The following ZKSCAN8 variants were observed in gnomAD, a reference collection of about 807,000 sequenced individuals.
ZKSCAN8 encodes zinc finger protein with KRAB and SCAN domains 8.
In ZKSCAN8, 27 loss-of-function variants were observed where a neutral mutation model predicts 57.2. The ratio of observed to expected loss-of-function variants is 0.47; its 90% CI spans 0.35 to 0.65. ZKSCAN8 has a LOEUF of 0.65. Ranked by LOEUF, ZKSCAN8 falls within the 30% of genes least tolerant of loss-of-function variation. The pLI is 0.01. For missense variants in ZKSCAN8, 597 were observed against 696.3 expected (o/e 0.86, Z 1.60); for synonymous variants, 214 against 248.7 (o/e 0.86, Z 1.31).
Position 28,148,399 on chromosome 6 carries a change from C to G in ZKSCAN8, c.-9C>G, listed in dbSNP as rs755270774. ...GTGGAAACGAACTTCCTGAGCTTTT[C>G]AGGCTCTAATGGCTGAAGAATCAAG... On this transcript the variant is annotated 5_prime_UTR_variant, in exon 2 of 6. Coordinates refer to ENST00000330236, the MANE Select transcript of ZKSCAN8 (RefSeq NM_006298.4). The G allele has an allele frequency of 6.2e-7, 1 of 1,601,912 alleles. No homozygotes were observed. The highest frequency in any genetic ancestry group is 1.1e-5 in the South Asian group (1 of 90,464).
At chr6:28,142,480 T>G (rs1043603402) in intron 1 of ZKSCAN8, among the ~76,000 whole-genome samples, 6 of 152,188 alleles carry the variant, frequency 3.9e-5, no homozygotes, top group African/African-American at 1.4e-4. Flanking sequence ...TCTTCTTTCT[T>G]TAGTGTATTC....
Position 28,155,137 on chromosome 6 carries a change from A to C in ZKSCAN8, c.*1120A>C, listed in dbSNP as rs1765741973. ...TATTCTCCATCTGTTTCTTGCCATT[A>C]GTTTATATGACTTTAATATCCACAG... On this transcript the variant is annotated 3_prime_UTR_variant, in exon 6 of 6. Coordinates refer to ENST00000330236, the MANE Select transcript of ZKSCAN8 (RefSeq NM_006298.4). 1 of 152,330 alleles carries C rather than the reference A, an allele frequency of 6.6e-6. No homozygotes were observed. Among genetic ancestry groups the C allele is most frequent in the Non-Finnish European group, 1.5e-5 (1 of 68,012 alleles). The allele number at this position is 152,330 out of a possible 1,614,324, so 9.4% of individuals were successfully genotyped here. A position where few individuals can be genotyped will look rare whatever the true frequency, so the allele number is the denominator to read the frequency against.
At position 28,153,098 on chromosome 6, in the gene ZKSCAN8, A is replaced by G; in HGVS notation, c.818A>G (p.Gln273Arg). ...GAGAACAGGGAATTAGCTTCAAAAC[A>G]GGTAATATCTACTGGAATCCAGCCA... is the stretch of plus-strand genomic sequence containing the variant. ...RSENRELASKQVISTGIQPHG... is the reference protein window; with the variant it reads ...RSENRELASKRVISTGIQPHG... Residue 273 changes from glutamine (Q) to arginine (R), a missense_variant, in exon 6 of 6, where the codon CAG becomes CGG. By Grantham distance (43) the Gln-to-Arg change is conservative. Transcript: ENST00000330236. 1 of 1,614,220 alleles carries G rather than the reference A, an allele frequency of 6.2e-7. No individual in the cohort carries two copies. Among genetic ancestry groups the G allele is most frequent in the East Asian group, 2.2e-5 (1 of 44,886 alleles).
intron 5 of ZKSCAN8, among the ~76,000 whole-genome samples, chr6:28,152,730 A>G (rs930746185): frequency 5.3e-5 from 8 of 152,032 alleles, no homozygotes; most frequent in Non-Finnish European, 1.0e-4. Flanking sequence ...ATGACTGGGC[A>G]TTTTCCCATT....
At position 28,159,052 on chromosome 6, in the gene ZKSCAN8, C is replaced by G. The variant is rs772707221; in HGVS notation, c.*5035C>G. Reference sequence around the variant, plus strand: ...ACTTCCTACAGCCTTCTACTGATGTCTTACAAGCTCTTGCCTCTGTGCCTT... The same window carrying G: ...ACTTCCTACAGCCTTCTACTGATGTGTTACAAGCTCTTGCCTCTGTGCCTT... On this transcript the variant is annotated 3_prime_UTR_variant, in exon 6 of 6. Coordinates refer to ENST00000330236, the MANE Select transcript of ZKSCAN8 (RefSeq NM_006298.4). 6.6e-6 allele frequency: 1 copy of G among 152,228 alleles called. No individual in the cohort carries two copies. Among genetic ancestry groups the G allele is most frequent in the African/African-American group, 2.4e-5 (1 of 41,436 alleles). 9.4% of individuals were successfully genotyped at this position (152,228 alleles called of 1,614,324 possible).
At chr6:28,149,979 T>A (rs9348794) in intron 3 of ZKSCAN8, among the ~76,000 whole-genome samples, 34,876 of 152,064 alleles carry the variant, frequency 0.23, 4,133 homozygotes, top group African/African-American at 0.28. Context: ...ATGCTGGTAT[T>A]GTCATGCCAC....
intron 1 of ZKSCAN8, among the ~76,000 whole-genome samples, 153 bp from the exon 2 acceptor site, chr6:28,148,163 A>G (rs763025748): frequency 5.6e-4 from 85 of 152,220 alleles, no homozygotes; most frequent in Admixed American, 1.8e-3. Flanking sequence ...CAGAAAGTTA[A>G]GGAAGTAAGA....
chr6:28,141,798 T>A (rs2113568398), upstream of ZKSCAN8: 1 of 152,540 alleles, frequency 6.6e-6, no homozygotes, highest in South Asian at 2.1e-4. Flanking sequence ...GTACCCTCAG[T>A]CGGCCGACCA....
rs952842717 is a variant in ZKSCAN8, at chr6:28,155,173, A to C, written c.*1156A>C. ...CTTTAATATCCACAGTGGTAATCTA[A>C]TACCTTACCTCACAGGTTTTCATTC... On this transcript the variant is annotated 3_prime_UTR_variant, in exon 6 of 6. Transcript: ENST00000330236. 1 of 152,206 alleles carries C rather than the reference A, an allele frequency of 6.6e-6. No homozygotes were observed. The highest frequency in any genetic ancestry group is 1.5e-5 in the Non-Finnish European group (1 of 68,002). 9.4% of individuals were successfully genotyped at this position (152,206 alleles called of 1,614,324 possible). A position where few individuals can be genotyped will look rare whatever the true frequency, so the allele number is the denominator to read the frequency against.
At chr6:28,150,075 A>G (rs375945291) in intron 3 of ZKSCAN8, among the ~76,000 whole-genome samples, 2 of 152,174 alleles carry the variant, frequency 1.3e-5, no homozygotes, top group East Asian at 1.9e-4. Flanking sequence ...ATTTATCACA[A>G]TTAAGAAATG....
Position 28,148,456 on chromosome 6 carries a change from A to T in ZKSCAN8, c.49A>T (p.Thr17Ser). The change falls in exon 2 of 6, where the codon ACT becomes TCT. Residue 17 changes from threonine (T) to serine (S), a missense_variant. Physicochemically the swap from Thr to Ser is moderately conservative, Grantham distance 58. Coordinates refer to ENST00000330236, the MANE Select transcript of ZKSCAN8 (RefSeq NM_006298.4). ...KPSAPSPPDQ[T>S]PEEDLVIVKV... The stretch of plus-strand genomic sequence containing the variant: ...TTCAGCCCCATCCCCACCAGACCAG[A>T]CTCCTGAAGAGGATCTTGTAATCGT... 1 of 1,613,948 alleles carries T rather than the reference A, an allele frequency of 6.2e-7. No individual in the cohort carries two copies. Among genetic ancestry groups the T allele is most frequent in the Non-Finnish European group, 8.5e-7 (1 of 1,179,974 alleles).
chr6:28,152,788 A>G (rs1409292375), intron 5 of ZKSCAN8, among the ~76,000 whole-genome samples: 1 of 151,900 alleles, frequency 6.6e-6, no homozygotes, highest in African/African-American at 2.4e-5. Flanking sequence ...TCCTCTCCCC[A>G]ACTTTCACCT....
chr6:28,153,935 G>T lies in ZKSCAN8; in HGVS notation c.1655G>T (p.Gly552Val). ...AAGCCCTACCAATGTAATGAGTGTG[G>T]GAAAGCCTTTATTCAGAGGTCAAGT... ...GEKPYQCNEC[G>V]KAFIQRSSLI... Residue 552 changes from glycine (G) to valine (V), a missense_variant, in exon 6 of 6, where the codon GGG becomes GTG. Gly to Val is a moderately radical substitution (Grantham distance 109). Transcript: ENST00000330236. 1 of 1,614,128 alleles carries T rather than the reference G, an allele frequency of 6.2e-7. No individual in the cohort carries two copies. Among genetic ancestry groups the T allele is most frequent in the Non-Finnish European group, 8.5e-7 (1 of 1,179,994 alleles).
chr6:28,152,069 G>C lies in ZKSCAN8; in HGVS notation c.651+133G>C, dbSNP rs113568369. 7 of 1,362,400 alleles carry C rather than the reference G, an allele frequency of 5.1e-6. No individual in the cohort carries two copies. The African/African-American group carries it at 7.3e-5, about 14-fold the overall frequency. The allele number at this position is 1,362,400 out of a possible 1,614,324, so 84.4% of individuals were successfully genotyped here. A position where few individuals can be genotyped will look rare whatever the true frequency, so the allele number is the denominator to read the frequency against. The stretch of plus-strand genomic sequence containing the variant: ...GTTGTCCCAAAAATTCTTTTGCCTA[G>C]GGACAGATTGATCCTGAATTTCCCC... On this transcript the variant is annotated intron_variant, in intron 4 of 5. Coordinates refer to ENST00000330236, the MANE Select transcript of ZKSCAN8 (RefSeq NM_006298.4).
At chr6:28,152,077 T>C in intron 4 of ZKSCAN8, 141 bp downstream of exon 4, 1 of 1,365,190 alleles carries the variant, frequency 7.3e-7, no homozygotes, top group Non-Finnish European at 1.0e-6. Flanking sequence ...TAGGGACAGA[T>C]TGATCCTGAA....
chr6:28,148,593 A>G lies in ZKSCAN8; in HGVS notation c.186A>G (p.Thr62=), dbSNP rs931885400. ...LRFRQLRYQE[T]LGPREALIQL... The stretch of plus-strand genomic sequence containing the variant: ...TCAGGCAGTTACGCTACCAGGAGAC[A>G]CTAGGACCCCGAGAAGCTCTGATCC... The change falls in exon 2 of 6, where the codon ACA becomes ACG. Residue 62 remains threonine (T), a synonymous_variant. Transcript: ENST00000330236. 1.9e-6 allele frequency: 3 copies of G among 1,614,164 alleles called. No homozygotes were observed. Among genetic ancestry groups the G allele is most frequent in the Admixed American group, 1.7e-5 (1 of 60,018 alleles).
At position 28,153,940 on chromosome 6, in the gene ZKSCAN8, G is replaced by A; in HGVS notation, c.1660G>A (p.Ala554Thr). The change falls in exon 6 of 6, where the codon GCC becomes ACC. Residue 554 changes from alanine to threonine, a missense_variant. Ala to Thr is a moderately conservative substitution (Grantham distance 58). Coordinates refer to ENST00000330236, the MANE Select transcript of ZKSCAN8 (RefSeq NM_006298.4). ...KPYQCNECGK[A>T]FIQRSSLIRH... ...CTACCAATGTAATGAGTGTGGGAAA[G>A]CCTTTATTCAGAGGTCAAGTCTCAT... 6.2e-7 allele frequency: 1 copy of A among 1,614,054 alleles called. No homozygotes were observed. Among genetic ancestry groups the A allele is most frequent in the Non-Finnish European group, 8.5e-7 (1 of 1,179,960 alleles).
At chr6:28,150,887 G>A (rs1009635509) in intron 3 of ZKSCAN8, among the ~76,000 whole-genome samples, 1 of 152,082 alleles carries the variant, frequency 6.6e-6, no homozygotes, top group Non-Finnish European at 1.5e-5. Context: ...GCTCACTGCA[G>A]CTTCTGCCTC....
rs768510722 is a variant in ZKSCAN8, at chr6:28,148,445, C to T, written c.38C>T (p.Pro13Leu). 7 of 1,614,030 alleles carry T rather than the reference C, an allele frequency of 4.3e-6. No individual in the cohort carries two copies. Among genetic ancestry groups the T allele is most frequent in the Non-Finnish European group, 5.1e-6 (6 of 1,180,014 alleles). ...EESRKPSAPS[P>L]PDQTPEEDLV... ...TCAAGAAAGCCTTCAGCCCCATCCC[C>T]ACCAGACCAGACTCCTGAAGAGGAT... is the stretch of plus-strand genomic sequence containing the variant. Residue 13 changes from proline to leucine, a missense_variant, in exon 2 of 6, where the codon CCA (proline) becomes CTA (leucine). Coordinates refer to ENST00000330236, the MANE Select transcript of ZKSCAN8 (RefSeq NM_006298.4).
Sources: allele counts gnomAD v4.1 joint callset (sites outside exome capture counted in the v4.1 genomes callset), GRCh38; gene constraint gnomAD v4.1.1; transcripts MANE v1.5; gene names NCBI Gene and HGNC (gene_info 2026-07-23, HGNC 2026-07-21).